Variants in NDC80 observed in about 807,000 individuals in gnomAD.
NDC80 encodes the protein kinetochore protein NDC80 homolog.
NDC80 carries 69 observed loss-of-function variants against 89.3 expected under a neutral mutation model. That is an observed-to-expected ratio of 0.77 (90% CI 0.64 to 0.94). The LOEUF (loss-of-function observed/expected upper bound fraction) is 0.94, where lower values mean the gene tolerates loss of function less well. NDC80 is among the 40% of genes least tolerant of loss of function. NDC80 has a pLI of 0.00. For missense variants in NDC80, 593 were observed against 739.6 expected (o/e 0.80, Z 2.30); for synonymous variants, 243 against 255.6 (o/e 0.95, Z 0.47).
intron 8 of NDC80, among the ~76,000 whole-genome samples, chr18:2,588,378 C>A (rs540402455): frequency 6.6e-6 from 1 of 151,554 alleles, no homozygotes; most frequent in South Asian, 2.1e-4. Context: ...AAAAAGTTAA[C>A]AAGACATTAT....
Position 2,574,977 on chromosome 18 carries a change from T to C in NDC80, c.102-12T>C. On this transcript the variant is annotated splice_polypyrimidine_tract_variant and intron_variant, in intron 2 of 16. Transcript: ENST00000261597. ...TTTTATTTTAAAGAGTTGTTTTCTA[T>C]TTTTCTTAAAGCAAAGAGAAACCAA... 1 of 1,555,498 alleles carries C rather than the reference T, an allele frequency of 6.4e-7. No individual in the cohort carries two copies. Among genetic ancestry groups the C allele is most frequent in the Non-Finnish European group, 8.8e-7 (1 of 1,142,574 alleles).
At chr18:2,584,880 A>G (rs2072596322) in intron 6 of NDC80, among the ~76,000 whole-genome samples, 1 of 152,222 alleles carries the variant, frequency 6.6e-6, no homozygotes, top group East Asian at 1.9e-4. Context: ...GATCCTGAAG[A>G]GTTTAGTTAC....
At chr18:2,580,334 C>T (rs1447852818) in intron 6 of NDC80, among the ~76,000 whole-genome samples, 1 of 150,594 alleles carries the variant, frequency 6.6e-6, no homozygotes, top group Non-Finnish European at 1.5e-5. Flanking sequence ...TTTTCTCTCT[C>T]TCTTTTTTTT....
At chr18:2,578,452 A>G (rs1215363652) in intron 5 of NDC80, among the ~76,000 whole-genome samples, 2 of 152,196 alleles carry the variant, frequency 1.3e-5, no homozygotes, top group African/African-American at 4.8e-5. Flanking sequence ...TTACAGAGCA[A>G]CAGAAGACAG....
intron 6 of NDC80, among the ~76,000 whole-genome samples, chr18:2,579,476 G>A (rs1485498917): frequency 1.3e-5 from 2 of 152,144 alleles, no homozygotes; most frequent in African/African-American, 4.8e-5. Flanking sequence ...TGCCCAGGCT[G>A]GAGTGCGGTG....
In NDC80 at chr18:2,577,841, T is replaced by C. The variant is rs2143632322; in HGVS notation, c.275T>C (p.Ile92Thr). ...AGACCACTTAATGACAAAGCATTCA[T>C]TCAGCAGTGTATTCGACAACTCTGT... is the stretch of plus-strand genomic sequence containing the variant. ...DPRPLNDKAF[I>T]QQCIRQLCEF... The change falls in exon 4 of 17, where the codon ATT becomes ACT. Residue 92 changes from isoleucine (I) to threonine (T), a missense_variant. Ile to Thr is a moderately conservative substitution (Grantham distance 89). Coordinates refer to ENST00000261597, the MANE Select transcript of NDC80 (RefSeq NM_006101.3). The C allele has an allele frequency of 6.2e-7, 1 of 1,614,180 alleles. No individual in the cohort carries two copies. Among genetic ancestry groups the C allele is most frequent in the South Asian group, 1.1e-5 (1 of 91,088 alleles).
At chr18:2,586,719 G>A (rs1377567751) in intron 7 of NDC80, among the ~76,000 whole-genome samples, 1 of 52,394 alleles carries the variant, frequency 1.9e-5, no homozygotes, top group Non-Finnish European at 3.9e-5. Flanking sequence ...GACAAAGTGA[G>A]ACCCTGTCTC....
At chr18:2,615,166 A>G (rs1787968324) in intron 16 of NDC80, 2 of 152,200 alleles carry the variant, frequency 1.3e-5, no homozygotes, top group African/African-American at 2.4e-5. Flanking sequence ...GCAATTTGTT[A>G]CAGTATCAGT....
chr18:2,608,423 C>T lies in NDC80; in HGVS notation c.1558-277C>T, dbSNP rs561938701. 1.8e-4 allele frequency among the ~76,000 whole-genome samples: 28 copies of T among 152,170 alleles called. No homozygotes were observed. In the Middle Eastern group the frequency reaches 0.01, roughly 55 times the overall value. On this transcript the variant is annotated intron_variant, in intron 14 of 16. Coordinates refer to ENST00000261597, the MANE Select transcript of NDC80 (RefSeq NM_006101.3). ...GTTTCACCTCGCTGGCCAGGCTGGT[C>T]TCAAACCCTTGACTTCAAGTGATCC...
intron 13 of NDC80, among the ~76,000 whole-genome samples, chr18:2,605,274 ATGTGTGTGTGTGTGTG>A (rs60324126): frequency 0.013 from 1,620 of 127,296 alleles, 23 homozygotes; most frequent in Middle Eastern, 0.027. Context: ...GGCTATATGT[ATGTGTGTGTGTGTGTG>A]TGTGTGTGTG....
rs765820371 is a variant in NDC80 at position 2,577,860 on chromosome 18, A to ACT, written c.297_298dup (p.Cys100SerfsTer16). On this transcript the variant is annotated frameshift_variant, in exon 4 of 17. Transcript: ENST00000261597. LOFTEE classifies it high-confidence loss of function. Reference sequence around the variant, plus strand: ...CATTCATTCAGCAGTGTATTCGACAACTCTGTGAGGTACTTTAGGATTTTA... The same window carrying ACT: ...CATTCATTCAGCAGTGTATTCGACAACTCTCTGTGAGGTACTTTAGGATTTTA... 6.2e-7 allele frequency: 1 copy of ACT among 1,613,746 alleles called. No individual in the cohort carries two copies. Among genetic ancestry groups the ACT allele is most frequent in the South Asian group, 1.1e-5 (1 of 91,002 alleles).
intron 13 of NDC80, 109 bp downstream of exon 13, chr18:2,601,594 A>G (rs1425304237): frequency 2.0e-6 from 1 of 488,564 alleles, no homozygotes; most frequent in East Asian, 3.5e-5. Flanking sequence ...TTTTTAACAA[A>G]ACTATGAAAA....
intron 6 of NDC80, among the ~76,000 whole-genome samples, chr18:2,580,942 A>G (rs879788657): frequency 1.3e-5 from 2 of 151,492 alleles, no homozygotes; most frequent in African/African-American, 2.4e-5. Context: ...GGGTTTCACC[A>G]TCTTGGCCAG....
chr18:2,610,751 T>A lies in NDC80; in HGVS notation c.1689-8T>A, dbSNP rs2072738980. Reference sequence around the variant, plus strand: ...TGGACAACTTAAACAAGAGTTTTTGTTCTACAGATACCAACTAGTTGTGCA... The same window carrying A: ...TGGACAACTTAAACAAGAGTTTTTGATCTACAGATACCAACTAGTTGTGCA... On this transcript the variant is annotated splice_region_variant and splice_polypyrimidine_tract_variant and intron_variant, in intron 15 of 16. Transcript: ENST00000261597. 1 of 1,563,510 alleles carries A rather than the reference T, an allele frequency of 6.4e-7. No individual in the cohort carries two copies. Among genetic ancestry groups the A allele is most frequent in the Non-Finnish European group, 8.7e-7 (1 of 1,145,530 alleles).
At position 2,580,125 on chromosome 18, in the gene NDC80, G is replaced by A. The variant is rs532078615; in HGVS notation, c.579+1096G>A. On this transcript the variant is annotated intron_variant, in intron 6 of 16. Transcript: ENST00000261597. ...AACTTACTGATGGTTTTAATAGTTGGCAACACAACAAGCAAAAAAAATTGA... is the reference window on the plus strand; with the variant it reads ...AACTTACTGATGGTTTTAATAGTTGACAACACAACAAGCAAAAAAAATTGA... 4.6e-5 allele frequency among the ~76,000 whole-genome samples: 7 copies of A among 151,822 alleles called. No individual in the cohort carries two copies. In the East Asian group the frequency reaches 1.2e-3, roughly 25 times the overall value.
chr18:2,577,608 T>C, intron 3 of NDC80, 138 bp from the exon 4 acceptor site: 1 of 941,466 alleles, frequency 1.1e-6, no homozygotes, highest in Non-Finnish European at 1.6e-6. Context: ...TTTCTCTGCT[T>C]TAAATAAGAG....
chr18:2,616,452 C>G lies in NDC80; in HGVS notation c.1807C>G (p.Gln603Glu), dbSNP rs763404802. 1.3e-6 allele frequency: 2 copies of G among 1,497,974 alleles called. No homozygotes were observed. Among genetic ancestry groups the G allele is most frequent in the South Asian group, 1.4e-5 (1 of 73,968 alleles). 92.8% of individuals were successfully genotyped at this position (1,497,974 alleles called of 1,614,324 possible). A position where few individuals can be genotyped will look rare whatever the true frequency, so the allele number is the denominator to read the frequency against. The change falls in exon 17 of 17, where the codon CAG becomes GAG. Residue 603 changes from glutamine to glutamate, a missense_variant. Gln to Glu is a conservative substitution (Grantham distance 29, BLOSUM62 2). Coordinates refer to ENST00000261597, the MANE Select transcript of NDC80 (RefSeq NM_006101.3). ...TCTTCACTAGAAACATCTTGAGGAGCAGATTGCTAAAGTTGATAGAGAATA... is the reference window on the plus strand; with the variant it reads ...TCTTCACTAGAAACATCTTGAGGAGGAGATTGCTAAAGTTGATAGAGAATA... ...VGSVEKHLEE[Q>E]IAKVDREYEE... is the part of the protein sequence containing the mutation.
intron 16 of NDC80, among the ~76,000 whole-genome samples, chr18:2,612,347 T>C (rs959407176): frequency 1.4e-5 from 2 of 140,894 alleles, no homozygotes; most frequent in Admixed American, 1.5e-4. Flanking sequence ...AGTAGTGCAA[T>C]GGCGCGATCT....
At chr18:2,582,652 T>G (rs963223178) in intron 6 of NDC80, 1 of 152,242 alleles carries the variant, frequency 6.6e-6, no homozygotes, top group Admixed American at 6.5e-5. Context: ...TGAAGTTTAT[T>G]CACTTTTATC....
Sources: gnomAD v4.1 joint callset for allele counts (sites outside exome capture counted in the v4.1 genomes callset) on GRCh38, gnomAD v4.1.1 for gene constraint, MANE v1.5 for transcripts, NCBI Gene and HGNC (gene_info 2026-07-23, HGNC 2026-07-21) for gene names.